The following CEACAM16 variants were observed in gnomAD, a reference collection of about 807,000 sequenced individuals.
The protein encoded by CEACAM16 is cell adhesion molecule CEACAM16.
Under a neutral mutation model 39.4 loss-of-function variants are expected in CEACAM16, and 30 were observed. The observed-to-expected ratio is 0.76, with a 90% confidence interval of 0.57 to 1.03. The LOEUF is 1.03. CEACAM16 is among the 50% of genes least tolerant of loss of function. The pLI, the probability that CEACAM16 is intolerant of heterozygous loss-of-function variation, is 0.00. For synonymous variants in CEACAM16, 262 were observed against 264.9 expected, an observed-to-expected ratio of 0.99 and a Z score of 0.11; for missense variants, 521 against 585.3, an observed-to-expected ratio of 0.89 and a Z score of 1.13.
At position 44,703,542 on chromosome 19, in the gene CEACAM16, T is replaced by C. The variant is rs1224889884; in HGVS notation, c.231T>C (p.Pro77=). 2 of 1,613,398 alleles carry C rather than the reference T, an allele frequency of 1.2e-6. No homozygotes were observed. Among genetic ancestry groups the C allele is most frequent in the Non-Finnish European group, 1.7e-6 (2 of 1,179,808 alleles). Residue 77 remains proline (P), a synonymous_variant, in exon 3 of 7, where the codon CCT becomes CCC. Coordinates refer to ENST00000587331, the MANE Select transcript of CEACAM16 (RefSeq NM_001039213.4). ...TCGTGAGCACAGGCGATGAGACTCC[T>C]GGCCCGGCCCACACGGGGCGGGAGG... ...SYIVSTGDET[P]GPAHTGREAV...
chr19:44,706,295 C>CACACACACACACACAT (rs1974448030), intron 5 of CEACAM16, among the ~76,000 whole-genome samples: 1 of 119,352 alleles, frequency 8.4e-6, no homozygotes, highest in African/African-American at 3.3e-5. Flanking sequence ...CACACACACA[C>CACACACACACACACAT]ACACACACAC....
rs1435499034 is a variant in CEACAM16, at chr19:44,704,071, C to G, written c.436C>G (p.Arg146Gly). The change falls in exon 4 of 7, where the codon CGA (arginine) becomes GGA (glycine). Residue 146 changes from arginine to glycine, a missense_variant. Coordinates refer to ENST00000587331, the MANE Select transcript of CEACAM16 (RefSeq NM_001039213.4). The stretch of plus-strand genomic sequence containing the variant: ...CAACAGCACAGCGCTGGTGGAACGT[C>G]GAGACACCCTGCGCCTTATGTGCAG... ...LANSTALVER[R>G]DTLRLMCSSP... 1.2e-6 allele frequency: 2 copies of G among 1,610,576 alleles called. No individual in the cohort carries two copies. Among genetic ancestry groups the G allele is most frequent in the Admixed American group, 1.7e-5 (1 of 59,884 alleles).
At chr19:44,702,472 G>A (rs886812197) in intron 2 of CEACAM16, among the ~76,000 whole-genome samples, 2 of 152,266 alleles carry the variant, frequency 1.3e-5, no homozygotes, top group Non-Finnish European at 2.9e-5. Context: ...TAACAGCCTG[G>A]AAAGTACCAG....
At chr19:44,704,370 G>T in intron 4 of CEACAM16, 74 bp downstream of exon 4, 1 of 1,421,442 alleles carries the variant, frequency 7.0e-7, no homozygotes, top group Non-Finnish European at 9.2e-7. Flanking sequence ...GCCAGGAGAG[G>T]GGGCCTAAGG....
intron 4 of CEACAM16, among the ~76,000 whole-genome samples, chr19:44,705,079 A>G (rs1974420766): frequency 6.6e-6 from 1 of 152,282 alleles, no homozygotes; most frequent in Non-Finnish European, 1.5e-5. Flanking sequence ...GAATCTTACA[A>G]CCAGAGAATT....
chr19:44,703,887 C>A, intron 3 of CEACAM16, 131 bp from the exon 4 acceptor site: 2 of 1,193,440 alleles, frequency 1.7e-6, no homozygotes, highest in Non-Finnish European at 1.2e-6. Flanking sequence ...CTCCTAAAAC[C>A]ATTCTTTGTC....
At chr19:44,699,401 G>A in intron 1 of CEACAM16, 141 bp downstream of exon 1, 2 of 481,264 alleles carry the variant, frequency 4.2e-6, no homozygotes, top group Non-Finnish European at 8.7e-6. Context: ...CTGGAGGTAG[G>A]AAACAGTGGA....
chr19:44,699,250 C>A lies in CEACAM16; in HGVS notation c.-107C>A, dbSNP rs371749875. The stretch of plus-strand genomic sequence containing the variant: ...AGTGATTTACTGAGCATTTACTCTG[C>A]GCCAGTCGTGGTAAGTACTGTACTT... On this transcript the variant is annotated 5_prime_UTR_variant, in exon 1 of 7. Coordinates refer to ENST00000587331, the MANE Select transcript of CEACAM16 (RefSeq NM_001039213.4). 9.5e-5 allele frequency: 51 copies of A among 534,294 alleles called. No homozygotes were observed. Among genetic ancestry groups the A allele is most frequent in the African/African-American group, 9.4e-4 (49 of 52,066 alleles). The allele number at this position is 534,294 out of a possible 1,614,324, so 33.1% of individuals were successfully genotyped here.
intron 4 of CEACAM16, 41 bp from the exon 5 acceptor site, chr19:44,705,549 T>A: frequency 1.3e-6 from 2 of 1,550,044 alleles, no homozygotes; most frequent in Non-Finnish European, 1.8e-6. Context: ...CCACTCCTCC[T>A]TCCCTCTACT....
At chr19:44,708,268 T>A in intron 6 of CEACAM16, 81 bp downstream of exon 6, 1 of 1,351,294 alleles carries the variant, frequency 7.4e-7, no homozygotes, top group Non-Finnish European at 9.9e-7. Context: ...TCCATCAGGC[T>A]GGGGGGACAT....
rs1176452481 is a variant in CEACAM16 at position 44,701,766 on chromosome 19, A to C, written c.37+273A>C. Among the ~76,000 whole-genome samples the C allele has an allele frequency of 1.3e-5, 2 of 152,150 alleles. No individual in the cohort carries two copies. The highest frequency in any genetic ancestry group is 6.5e-5 in the Admixed American group (1 of 15,278). ...ACAAGGGAGCCGCTGTTGCTCCTTC[A>C]TTCCTGCAGGTTTCTGTTTTATCAG... On this transcript the variant is annotated intron_variant, in intron 2 of 6. Transcript: ENST00000587331. The surrounding 1 kb of genome is among the most constrained non-coding windows in gnomAD (Gnocchi z 4.0).
intron 3 of CEACAM16, 107 bp from the exon 4 acceptor site, chr19:44,703,911 G>A: frequency 7.6e-7 from 1 of 1,312,664 alleles, no homozygotes; most frequent in Non-Finnish European, 1.0e-6. Context: ...CCGGCTGAGG[G>A]TGTGGGGGCC....
At chr19:44,706,016 A>T in intron 5 of CEACAM16, 148 bp downstream of exon 5, 1 of 984,852 alleles carries the variant, frequency 1.0e-6, no homozygotes, top group Middle Eastern at 2.6e-4. Flanking sequence ...CATATCAGGC[A>T]GATCTGTTTG....
chr19:44,704,775 CA>C (rs200195275), intron 4 of CEACAM16, among the ~76,000 whole-genome samples: 2,987 of 151,004 alleles, frequency 0.02, 37 homozygotes, highest in East Asian at 0.044. Context: ...CAACAACAAA[CA>C]AAAAAAATAC....
In CEACAM16 at chr19:44,705,776, T is replaced by C. The variant is rs772018792; in HGVS notation, c.848T>C (p.Met283Thr). ...CAAGACCACCTCAACATCAGCAGCA[T>C]GACAGCCGCCCAGGAGGGGACGTAC... ...NGQDHLNISS[M>T]TAAQEGTYTC... is the part of the protein sequence containing the mutation. Residue 283 changes from methionine to threonine, a missense_variant, in exon 5 of 7, where the codon ATG (methionine) becomes ACG (threonine). By Grantham distance (81) the Met-to-Thr change is moderately conservative. Transcript: ENST00000587331. The C allele has an allele frequency of 1.9e-6, 3 of 1,613,994 alleles. No individual in the cohort carries two copies. The highest frequency in any genetic ancestry group is 2.5e-6 in the Non-Finnish European group (3 of 1,179,886).
At chr19:44,703,726 A>G in intron 3 of CEACAM16, 33 bp downstream of exon 3, 1 of 1,416,014 alleles carries the variant, frequency 7.1e-7, no homozygotes, top group Non-Finnish European at 9.4e-7. Context: ...CCTCTGCCCC[A>G]GCTGGGCCTT....
At chr19:44,708,274 G>A (rs1452442491) in intron 6 of CEACAM16, 87 bp downstream of exon 6, 5 of 1,308,050 alleles carry the variant, frequency 3.8e-6, no homozygotes, top group Admixed American at 2.7e-5. Flanking sequence ...AGGCTGGGGG[G>A]ACATAGACCA....
chr19:44,704,095 A>C lies in CEACAM16; in HGVS notation c.460A>C (p.Ser154Arg). The C allele has an allele frequency of 6.2e-7, 1 of 1,605,810 alleles. No homozygotes were observed. The highest frequency in any genetic ancestry group is 8.5e-7 in the Non-Finnish European group (1 of 1,177,398). The change falls in exon 4 of 7, where the codon AGC becomes CGC. Residue 154 changes from serine to arginine, a missense_variant. Coordinates refer to ENST00000587331, the MANE Select transcript of CEACAM16 (RefSeq NM_001039213.4). ...TCGAGACACCCTGCGCCTTATGTGC[A>C]GCAGCCCCAGCCCCACCGCCGAGGT... Reference protein sequence around the residue: ...ERRDTLRLMCSSPSPTAEVRW... With the variant: ...ERRDTLRLMCRSPSPTAEVRW...
At chr19:44,706,704 G>A (rs1189291513) in intron 5 of CEACAM16, among the ~76,000 whole-genome samples, 2 of 152,196 alleles carry the variant, frequency 1.3e-5, no homozygotes, top group Non-Finnish European at 2.9e-5. Flanking sequence ...AGGAGACAGG[G>A]GGATGGACCA....
Sources: gnomAD v4.1 joint callset for allele counts (sites outside exome capture counted in the v4.1 genomes callset) on GRCh38, gnomAD v4.1.1 for gene constraint, Gnocchi (gnomAD v3.1) non-coding constraint, MANE v1.5 for transcripts, NCBI Gene and HGNC (gene_info 2026-07-23, HGNC 2026-07-21) for gene names.